The following SIK3 variants were observed in gnomAD, a reference collection of about 807,000 sequenced individuals.
SIK3 encodes the protein SIK family kinase 3.
A neutral mutation model predicts 144.2 loss-of-function variants in SIK3; 28 were observed. The observed-to-expected ratio is 0.19, with a 90% CI of 0.14 to 0.27. The LOEUF is 0.27. Among genes scored for constraint, SIK3 ranks in the 10% least tolerant of loss-of-function variants. The pLI is 1.00. For missense variants in SIK3, 1,319 were observed against 1,776.0 expected, an observed-to-expected ratio of 0.74 and a Z score of 4.62; for synonymous variants, 686 against 676.3, an observed-to-expected ratio of 1.01 and a Z score of -0.22.
intron 21 of SIK3, among the ~76,000 whole-genome samples, chr11:116,850,221 T>C (rs1456539624): frequency 6.6e-6 from 1 of 152,194 alleles, no homozygotes; most frequent in African/African-American, 2.4e-5. Context: ...ACTACTACCC[T>C]ACAAAGACCA....
chr11:117,023,724 T>G (rs1365399840), intron 1 of SIK3, among the ~76,000 whole-genome samples: 5 of 151,274 alleles, frequency 3.3e-5, no homozygotes, highest in African/African-American at 1.2e-4. Context: ...TCACCCAGGC[T>G]GGAGTGCAGT....
intron 4 of SIK3, among the ~76,000 whole-genome samples, chr11:116,898,027 G>C (rs111884008): frequency 0.17 from 26,288 of 151,858 alleles, 3,517 homozygotes; most frequent in African/African-American, 0.37. Flanking sequence ...ACAATGTGCA[G>C]GTTAGTTACA....
intron 1 of SIK3, among the ~76,000 whole-genome samples, chr11:117,092,003 G>C (rs112102317): frequency 2.6e-4 from 39 of 152,156 alleles, no homozygotes; most frequent in Non-Finnish European, 4.3e-4. Context: ...GGCTGGTCTT[G>C]AACTCCTGGC....
At chr11:116,916,635 T>C (rs55927612) in intron 4 of SIK3, among the ~76,000 whole-genome samples, 2 of 151,502 alleles carry the variant, frequency 1.3e-5, no homozygotes, top group Non-Finnish European at 2.9e-5. Context: ...CTCAGCCTCC[T>C]GAGTAGCTGG....
chr11:117,095,321 T>C (rs1017954339), intron 1 of SIK3, among the ~76,000 whole-genome samples: 1 of 151,892 alleles, frequency 6.6e-6, no homozygotes, highest in Non-Finnish European at 1.5e-5. Flanking sequence ...CTGTTATATA[T>C]GGTTATAAGA....
chr11:117,016,789 C>A (rs1053356446), intron 1 of SIK3, among the ~76,000 whole-genome samples: 5 of 152,068 alleles, frequency 3.3e-5, no homozygotes, highest in African/African-American at 9.7e-5. Context: ...GTTAACTGTA[C>A]GTCAATAAAG....
intron 1 of SIK3, among the ~76,000 whole-genome samples, chr11:117,011,233 A>C (rs543386581): frequency 7.9e-5 from 12 of 152,298 alleles, no homozygotes; most frequent in African/African-American, 2.6e-4. Context: ...TTCCCCCTGT[A>C]AACAGAAGCT....
intron 1 of SIK3, among the ~76,000 whole-genome samples, chr11:117,065,172 T>C (rs1449183447): frequency 2.7e-5 from 4 of 149,554 alleles, no homozygotes; most frequent in African/African-American, 4.9e-5. Context: ...ATAATAATAA[T>C]AACAATAATA....
rs1191800246 is a variant in SIK3, at chr11:117,015,590, T to C, written c.274-58526A>G. On this transcript the variant is annotated intron_variant, in intron 1 of 24. Transcript: ENST00000445177. Reference sequence around the variant, plus strand: ...CCATGTCCAGCTAATTTTTTTTTTTTTGAGACGTTGTTTCACTCTTATTGC... The same window carrying C: ...CCATGTCCAGCTAATTTTTTTTTTTCTGAGACGTTGTTTCACTCTTATTGC... Among the ~76,000 whole-genome samples, 8 of 151,756 alleles carry C rather than the reference T, an allele frequency of 5.3e-5. No individual in the cohort carries two copies. In the East Asian group the frequency reaches 1.2e-3, roughly 22 times the overall value.
At chr11:117,030,108 T>G (rs938016007) in intron 1 of SIK3, among the ~76,000 whole-genome samples, 11 of 152,116 alleles carry the variant, frequency 7.2e-5, no homozygotes, top group Admixed American at 2.6e-4. Flanking sequence ...GTGAGTAACA[T>G]GAACATTTAT....
intron 19 of SIK3, 58 bp downstream of exon 19, chr11:116,861,216 C>G: frequency 7.7e-7 from 1 of 1,298,180 alleles, no homozygotes; most frequent in Non-Finnish European, 1.1e-6. Context: ...AAACTGAGAC[C>G]ATCATTTTTT....
At chr11:116,860,840 T>G (rs1943284607) in intron 19 of SIK3, among the ~76,000 whole-genome samples, 1 of 152,154 alleles carries the variant, frequency 6.6e-6, no homozygotes, top group Non-Finnish European at 1.5e-5. Context: ...CTCATGATAA[T>G]GAGGGAATTC....
intron 1 of SIK3, among the ~76,000 whole-genome samples, chr11:117,043,421 TGAGGCTTAA>T (rs1480247534): frequency 2.6e-5 from 4 of 152,110 alleles, no homozygotes; most frequent in African/African-American, 7.2e-5. Context: ...CCCCACTCAA[TGAGGCTTAA>T]GAGGCTTAAG....
chr11:116,870,436 C>T, intron 13 of SIK3, 35 bp from the exon 14 acceptor site: 3 of 1,612,028 alleles, frequency 1.9e-6, no homozygotes, highest in Non-Finnish European at 2.5e-6. Context: ...CTCAAGGTGG[C>T]AGCTTATTCT....
At chr11:117,088,691 A>G (rs1320987313) in intron 1 of SIK3, among the ~76,000 whole-genome samples, 1 of 152,018 alleles carries the variant, frequency 6.6e-6, no homozygotes, top group African/African-American at 2.4e-5. Context: ...GTCCTTTTTT[A>G]TTTGAGAAGT....
chr11:116,939,978 T>C (rs946228976), intron 3 of SIK3, among the ~76,000 whole-genome samples: 1 of 152,208 alleles, frequency 6.6e-6, no homozygotes, highest in African/African-American at 2.4e-5. Flanking sequence ...TTGAAACATC[T>C]GCAGAAAGCT....
chr11:116,899,293 G>A (rs200824601), intron 4 of SIK3, among the ~76,000 whole-genome samples: 33 of 151,716 alleles, frequency 2.2e-4, no homozygotes, highest in African/African-American at 5.8e-4. Context: ...GATATGCAGC[G>A]TTATTTCTGA....
At chr11:116,931,699 G>A (rs1328385645) in intron 3 of SIK3, among the ~76,000 whole-genome samples, 1 of 152,168 alleles carries the variant, frequency 6.6e-6, no homozygotes, top group African/African-American at 2.4e-5. Context: ...ACCACAGCTA[G>A]TAGTTCTTTG....
intron 9 of SIK3, 105 bp from the exon 10 acceptor site, chr11:116,875,556 C>T (rs1944207158): frequency 2.3e-6 from 3 of 1,321,922 alleles, no homozygotes; most frequent in South Asian, 1.4e-5. Flanking sequence ...TCCCTGATTA[C>T]TAAAGTTTTT....
Sources: allele counts gnomAD v4.1 joint callset (sites outside exome capture counted in the v4.1 genomes callset), GRCh38; gene constraint gnomAD v4.1.1; transcripts MANE v1.5; gene names NCBI Gene and HGNC (gene_info 2026-07-23, HGNC 2026-07-21).